The following MON2 variants were observed in gnomAD, a reference collection of about 807,000 sequenced individuals.
MON2 encodes the protein protein MON2 homolog.
MON2 carries 84 observed loss-of-function variants against 208.6 expected under a neutral mutation model. That is an observed-to-expected ratio of 0.40 (90% CI 0.34 to 0.48). The LOEUF (loss-of-function observed/expected upper bound fraction) is 0.48. Ranked by LOEUF, MON2 falls within the 20% of genes least tolerant of loss-of-function variation. The probability of loss-of-function intolerance (pLI) is 0.59; values close to 1 mark genes in which losing one functional copy is unlikely to be tolerated. For synonymous variants in MON2, 660 were observed against 694.0 expected (o/e 0.95, Z 0.77); for missense variants, 1,611 against 2,015.4 (o/e 0.80, Z 3.84).
chr12:62,469,832 T>C (rs2068695520), intron 1 of MON2, among the ~76,000 whole-genome samples: 1 of 152,068 alleles, frequency 6.6e-6, no homozygotes, highest in Admixed American at 6.5e-5. Flanking sequence ...AGTCTTTATT[T>C]CAAATTTTTA....
At position 62,552,936 on chromosome 12, in the gene MON2, A is replaced by G. The variant is rs1195859647; in HGVS notation, c.2972A>G (p.Asn991Ser). Reference sequence around the variant, plus strand: ...GGGGAAACTATTGAAAAAGAACTAAATAAGGAAGAGGCAGCACAGCAAAAG... The same window carrying G: ...GGGGAAACTATTGAAAAAGAACTAAGTAAGGAAGAGGCAGCACAGCAAAAG... Reference protein sequence around the residue: ...QRGETIEKELNKEEAAQQKQA... With the variant: ...QRGETIEKELSKEEAAQQKQA... Residue 991 changes from asparagine (N) to serine (S), a missense_variant, in exon 24 of 35, where the codon AAT becomes AGT. By Grantham distance (46) the Asn-to-Ser change is conservative. Coordinates refer to ENST00000393630, the MANE Select transcript of MON2 (RefSeq NM_015026.3). The G allele has an allele frequency of 6.2e-7, 1 of 1,614,180 alleles. No individual in the cohort carries two copies. Among genetic ancestry groups the G allele is most frequent in the South Asian group, 1.1e-5 (1 of 91,088 alleles).
At chr12:62,587,915 T>C (rs1020597000) in intron 33 of MON2, 159 bp from the exon 34 acceptor site, 2 of 527,086 alleles carry the variant, frequency 3.8e-6, no homozygotes, top group Non-Finnish European at 6.7e-6. Flanking sequence ...ATAAAATGAT[T>C]TTTACTTTTA....
rs1174808374 is a variant in MON2 at position 62,508,274 on chromosome 12, C to G, written c.790-12C>G. ...TTAATTATTTTTTTCTTTCTTTTTT[C>G]CTTGCAAATAGCACCAAGAATTTAG... On this transcript the variant is annotated splice_polypyrimidine_tract_variant and intron_variant, in intron 7 of 34. Transcript: ENST00000393630. 1.3e-6 allele frequency: 2 copies of G among 1,587,564 alleles called. No homozygotes were observed. The highest frequency in any genetic ancestry group is 2.3e-5 in the South Asian group (2 of 87,196).
intron 8 of MON2, among the ~76,000 whole-genome samples, chr12:62,516,376 C>T (rs942173564): frequency 1.3e-5 from 2 of 151,874 alleles, no homozygotes; most frequent in Non-Finnish European, 2.9e-5. Flanking sequence ...GATAGCACAA[C>T]AGGGTGATTA....
At chr12:62,575,596 C>T (rs1363588139) in intron 30 of MON2, among the ~76,000 whole-genome samples, 1 of 152,156 alleles carries the variant, frequency 6.6e-6, no homozygotes, top group Admixed American at 6.5e-5. Context: ...TTAATACATA[C>T]TCTAAGACTT....
chr12:62,550,977 T>A (rs1422265063), intron 23 of MON2, among the ~76,000 whole-genome samples: 1 of 149,550 alleles, frequency 6.7e-6, no homozygotes, highest in African/African-American at 2.5e-5. Flanking sequence ...TGAAGTGCAG[T>A]GGCATGATCT....
intron 7 of MON2, among the ~76,000 whole-genome samples, chr12:62,505,706 C>T (rs745326679): frequency 1.1e-4 from 17 of 150,604 alleles, no homozygotes; most frequent in Admixed American, 2.0e-4. Flanking sequence ...CATAGTGAGA[C>T]CTTGTCTCTA....
chr12:62,485,847 G>A (rs1178022408), intron 2 of MON2, among the ~76,000 whole-genome samples: 5 of 152,158 alleles, frequency 3.3e-5, no homozygotes. Flanking sequence ...GAGATTTCAG[G>A]TGCCCAACAC....
chr12:62,492,982 AAAC>A, intron 2 of MON2, among the ~76,000 whole-genome samples: 1 of 151,886 alleles, frequency 6.6e-6, no homozygotes, highest in Non-Finnish European at 1.5e-5. Flanking sequence ...CATCTCAGAA[AAAC>A]AAAACAAAAA....
At chr12:62,570,732 T>TG in intron 29 of MON2, among the ~76,000 whole-genome samples, 1 of 131,848 alleles carries the variant, frequency 7.6e-6, no homozygotes, top group East Asian at 2.1e-4. Context: ...CTTTTTTTTT[T>TG]TTTTTTTTTT....
At chr12:62,586,178 A>G (rs981735348) in intron 33 of MON2, among the ~76,000 whole-genome samples, 16 of 152,364 alleles carry the variant, frequency 1.1e-4, no homozygotes, top group African/African-American at 2.6e-4. Context: ...GGCATAACTA[A>G]TGAAGCAAAC....
chr12:62,498,390 TTTTG>T (rs1449728395), intron 4 of MON2, among the ~76,000 whole-genome samples: 1 of 152,168 alleles, frequency 6.6e-6, no homozygotes, highest in Non-Finnish European at 1.5e-5. Context: ...GATGGAAATA[TTTTG>T]TTTGTCAATT....
At chr12:62,591,616 A>G (rs1206928870) in intron 34 of MON2, among the ~76,000 whole-genome samples, 5 of 152,212 alleles carry the variant, frequency 3.3e-5, no homozygotes, top group Non-Finnish European at 7.3e-5. Context: ...GCTTTTTCCT[A>G]AGAAGTAAAT....
intron 7 of MON2, among the ~76,000 whole-genome samples, chr12:62,507,553 C>T (rs2136108240): frequency 6.6e-6 from 1 of 151,884 alleles, no homozygotes; most frequent in South Asian, 2.1e-4. Context: ...TCCTGGATGC[C>T]AGCAATCCTC....
intron 20 of MON2, among the ~76,000 whole-genome samples, chr12:62,543,843 A>T (rs889537515): frequency 6.6e-6 from 1 of 152,186 alleles, no homozygotes; most frequent in African/African-American, 2.4e-5. Context: ...TCCTGACCTC[A>T]GGTGATCCAC....
At position 62,467,278 on chromosome 12, in the gene MON2, T is replaced by A; in HGVS notation, c.71T>A (p.Leu24Ter). The A allele has an allele frequency of 6.2e-7, 1 of 1,614,088 alleles. No homozygotes were observed. Among genetic ancestry groups the A allele is most frequent in the Non-Finnish European group, 8.5e-7 (1 of 1,180,016 alleles). Residue 24 changes from leucine (L) to a stop codon, truncating the protein, a stop_gained, in exon 1 of 35, where the codon TTG becomes TAG. Coordinates refer to ENST00000393630, the MANE Select transcript of MON2 (RefSeq NM_015026.3). LOFTEE classifies it high-confidence loss of function. ...LENMQSDLRA[L>*]SLECKKKFPP... ...AATATGCAGAGCGACTTGCGCGCCT[T>A]GTCACTGGAGTGCAAGAAGAAATTC...
At chr12:62,579,587 G>C (rs377253955) in intron 31 of MON2, among the ~76,000 whole-genome samples, 1 of 151,078 alleles carries the variant, frequency 6.6e-6, no homozygotes, top group African/African-American at 2.4e-5. Context: ...TTAGCTGGGC[G>C]TGGTGGTGGG....
chr12:62,577,492 T>C (rs1167181008), intron 30 of MON2, among the ~76,000 whole-genome samples: 1 of 152,128 alleles, frequency 6.6e-6, no homozygotes, highest in African/African-American at 2.4e-5. Context: ...ATACTTAATA[T>C]ACAGAAGTGT....
intron 8 of MON2, among the ~76,000 whole-genome samples, chr12:62,516,429 G>C (rs557428450): frequency 8.5e-4 from 129 of 152,182 alleles, no homozygotes; most frequent in African/African-American, 3.0e-3. Flanking sequence ...AAGAGGCCAG[G>C]CGCCATGGCT....
Sources: allele counts gnomAD v4.1 joint callset (sites outside exome capture counted in the v4.1 genomes callset), GRCh38; gene constraint gnomAD v4.1.1; transcripts MANE v1.5; gene names NCBI Gene and HGNC (gene_info 2026-07-23, HGNC 2026-07-21).